Variants in GRK5 observed in about 807,000 individuals in gnomAD.
GRK5 encodes the protein G protein-coupled receptor kinase 5, also known as g protein-coupled receptor kinase GRK5.
In GRK5, 40 loss-of-function variants were observed where a neutral mutation model predicts 78.4. That is an observed-to-expected ratio of 0.51 (90% confidence interval 0.40 to 0.66). The LOEUF (loss-of-function observed/expected upper bound fraction) is 0.66. Ranked by LOEUF, GRK5 falls within the 30% of genes least tolerant of loss-of-function variation. GRK5 has a pLI of 0.00. For missense variants in GRK5, 598 were observed against 759.9 expected (o/e 0.79, Z 2.50); for synonymous variants, 289 against 296.8 (o/e 0.97, Z 0.27).
At chr10:119,411,914 G>A (rs529756449) in intron 4 of GRK5, among the ~76,000 whole-genome samples, 2 of 142,924 alleles carry the variant, frequency 1.4e-5, no homozygotes, top group South Asian at 2.2e-4. Context: ...CCAGTGGTGC[G>A]ATCTCGGCTC....
At chr10:119,346,071 A>G (rs1851086803) in intron 2 of GRK5, among the ~76,000 whole-genome samples, 1 of 151,414 alleles carries the variant, frequency 6.6e-6, no homozygotes, top group South Asian at 2.1e-4. Context: ...GGGGAGCAGG[A>G]CTAGGCTTCA....
intron 2 of GRK5, among the ~76,000 whole-genome samples, chr10:119,367,202 G>A (rs548685251): frequency 7.9e-5 from 12 of 152,266 alleles, no homozygotes; most frequent in African/African-American, 1.9e-4. Flanking sequence ...CTAAAGATCC[G>A]TGTCGAAAAT....
At chr10:119,282,971 G>A (rs558287276) in intron 1 of GRK5, among the ~76,000 whole-genome samples, 101 of 152,316 alleles carry the variant, frequency 6.6e-4, no homozygotes, top group African/African-American at 1.9e-3. Flanking sequence ...GAGTTACTGT[G>A]TCACTGGGGC....
At chr10:119,211,385 T>C (rs1848484042) in intron 1 of GRK5, 1 of 152,204 alleles carries the variant, frequency 6.6e-6, no homozygotes, top group African/African-American at 2.4e-5. Flanking sequence ...AATGTTGAAA[T>C]AATAATGAGA....
At position 119,316,709 on chromosome 10, in the gene GRK5, G is replaced by A. The variant is rs188950798; in HGVS notation, c.53-9807G>A. Among the ~76,000 whole-genome samples, 123 of 152,352 alleles carry A rather than the reference G, an allele frequency of 8.1e-4. 1 individual carries two copies. Among genetic ancestry groups the A allele is most frequent in the East Asian group, 7.3e-3 (38 of 5,192 alleles). On this transcript the variant is annotated intron_variant, in intron 1 of 15. Coordinates refer to ENST00000392870, the MANE Select transcript of GRK5 (RefSeq NM_005308.3). ...GCCTGAGAGTCCCAGATGTGAAGCTGCCATGGATGTGCCACCTCCTGGCAC... is the reference window on the plus strand; with the variant it reads ...GCCTGAGAGTCCCAGATGTGAAGCTACCATGGATGTGCCACCTCCTGGCAC...
chr10:119,231,140 C>T (rs942236085), intron 1 of GRK5, among the ~76,000 whole-genome samples: 11 of 152,092 alleles, frequency 7.2e-5, no homozygotes, highest in Non-Finnish European at 1.2e-4. Flanking sequence ...AGACAACACA[C>T]AGAATTGGGG....
Position 119,447,991 on chromosome 10 carries a change from T to C in GRK5, c.1267-132T>C, listed in dbSNP as rs901206081. On this transcript the variant is annotated intron_variant, in intron 12 of 15. Transcript: ENST00000392870. ...GCACGCCAAGACTCAGAGGCAGCCC[T>C]GAAGCAAGACCTTTGCAGGGTGGGG... is the stretch of plus-strand genomic sequence containing the variant. The C allele has an allele frequency of 3.3e-5, 38 of 1,159,430 alleles. No homozygotes were observed. The African/African-American group carries it at 6.1e-4, about 19-fold the overall frequency. The allele number at this position is 1,159,430 out of a possible 1,614,324, so 71.8% of individuals were successfully genotyped here.
At chr10:119,402,860 A>AAAAAC (rs1302188866) in intron 4 of GRK5, among the ~76,000 whole-genome samples, 1 of 152,224 alleles carries the variant, frequency 6.6e-6, no homozygotes, top group Non-Finnish European at 1.5e-5. Flanking sequence ...TTTCAAAACA[A>AAAAAC]AAAACAAAAC....
intron 2 of GRK5, among the ~76,000 whole-genome samples, chr10:119,369,576 C>T (rs1851512834): frequency 6.6e-6 from 1 of 152,176 alleles, no homozygotes; most frequent in Non-Finnish European, 1.5e-5. Flanking sequence ...AGCTGTTTTC[C>T]CCTCATTTGT....
chr10:119,384,192 G>A (rs1851757512), intron 3 of GRK5, among the ~76,000 whole-genome samples: 1 of 152,080 alleles, frequency 6.6e-6, no homozygotes, highest in Non-Finnish European at 1.5e-5. Context: ...CCTCCCCACA[G>A]TCCCATTTGC....
intron 1 of GRK5, among the ~76,000 whole-genome samples, chr10:119,292,272 C>T (rs1315568870): frequency 6.7e-6 from 1 of 149,028 alleles, no homozygotes; most frequent in African/African-American, 2.5e-5. Context: ...CTTCCTCCTC[C>T]TTCTCCTCCT....
rs1258899252 is a variant in GRK5, at chr10:119,458,887, A to G, written c.*3820A>G. On this transcript the variant is annotated 3_prime_UTR_variant, in exon 16 of 16. Coordinates refer to ENST00000392870, the MANE Select transcript of GRK5 (RefSeq NM_005308.3). ...GCACCGCAGCCTCCTTGAGCCTGGC[A>G]TCCCAGGCCTTGCCAAAGGGGACGG... 6.6e-6 allele frequency: 1 copy of G among 152,186 alleles called. No homozygotes were observed. Among genetic ancestry groups the G allele is most frequent in the Non-Finnish European group, 1.5e-5 (1 of 68,044 alleles). The allele number at this position is 152,186 out of a possible 1,614,324, so 9.4% of individuals were successfully genotyped here. A position where few individuals can be genotyped will look rare whatever the true frequency, so the allele number is the denominator to read the frequency against.
chr10:119,384,292 T>C (rs1316247471), intron 3 of GRK5, among the ~76,000 whole-genome samples: 1 of 152,196 alleles, frequency 6.6e-6, no homozygotes, highest in Non-Finnish European at 1.5e-5. Context: ...GCCCCTCTGC[T>C]GTGGGTGCTT....
intron 3 of GRK5, among the ~76,000 whole-genome samples, chr10:119,383,046 C>G (rs560277320): frequency 3.0e-4 from 45 of 152,178 alleles, no homozygotes; most frequent in African/African-American, 1.0e-3. Flanking sequence ...CTCAGCCTCC[C>G]GAGTAGCTGG....
intron 1 of GRK5, among the ~76,000 whole-genome samples, chr10:119,303,970 G>A (rs1334737517): frequency 6.6e-6 from 1 of 152,090 alleles, no homozygotes; most frequent in Non-Finnish European, 1.5e-5. Flanking sequence ...ACCCTAAAGC[G>A]CCAGGGTGGT....
At chr10:119,228,465 TAAA>T (rs1447900276) in intron 1 of GRK5, among the ~76,000 whole-genome samples, 1 of 118,746 alleles carries the variant, frequency 8.4e-6, no homozygotes, top group African/African-American at 3.2e-5. Flanking sequence ...AAAAAAAAAT[TAAA>T]AAACATCAGC....
chr10:119,431,330 G>A lies in GRK5; in HGVS notation c.598-57G>A, dbSNP rs1852812331. 3 of 1,568,072 alleles carry A rather than the reference G, an allele frequency of 1.9e-6. No individual in the cohort carries two copies. In the African/African-American group the frequency reaches 4.1e-5, roughly 21 times the overall value. ...GGCCTGTGGTCCCCGCCCTGGAGGA[G>A]CTCGGGGCAGGCCTCCACGGTGCTC... On this transcript the variant is annotated intron_variant, in intron 7 of 15. Transcript: ENST00000392870. This position sits in a 1 kb window ranked among gnomAD's most constrained non-coding sequence, Gnocchi z 4.8.
chr10:119,211,560 CA>C (rs1474550753), intron 1 of GRK5: 1 of 152,176 alleles, frequency 6.6e-6, no homozygotes, highest in Non-Finnish European at 1.5e-5. Context: ...CACAGGCCAG[CA>C]GTAGCCATAT....
intron 2 of GRK5, among the ~76,000 whole-genome samples, chr10:119,362,641 T>A (rs888470621): frequency 1.3e-5 from 2 of 152,226 alleles, no homozygotes; most frequent in Non-Finnish European, 1.5e-5. Context: ...CACCTTGAGA[T>A]ACGAACACGT....
Sources: allele counts gnomAD v4.1 joint callset (sites outside exome capture counted in the v4.1 genomes callset), GRCh38; gene constraint gnomAD v4.1.1; non-coding constraint Gnocchi (gnomAD v3.1); transcripts MANE v1.5; gene names NCBI Gene and HGNC (gene_info 2026-07-23, HGNC 2026-07-21).